COL23A1: variants seen among roughly 807,000 people sequenced by gnomAD.
COL23A1 encodes the protein collagen type XXIII alpha 1 chain.
In COL23A1, 97 loss-of-function variants were observed where a neutral mutation model predicts 99.3. That is an observed-to-expected ratio of 0.98 (90% CI 0.83 to 1.16). COL23A1 has a LOEUF of 1.16. Ranked by LOEUF, COL23A1 falls within the 50% of genes most tolerant of loss-of-function variation. The pLI, the probability that COL23A1 is intolerant of heterozygous loss-of-function variation, is 0.00. For synonymous variants in COL23A1, 320 were observed against 308.2 expected (o/e 1.04, Z -0.40); for missense variants, 762 against 757.4 (o/e 1.01, Z -0.07).
rs969550876 is a variant in COL23A1 at position 178,307,057 on chromosome 5, T to G, written c.362-138A>C. 4.3e-5 allele frequency: 24 copies of G among 554,824 alleles called. No individual in the cohort carries two copies. In the African/African-American group the frequency reaches 4.8e-4, roughly 11 times the overall value. 34.4% of individuals were successfully genotyped at this position (554,824 alleles called of 1,614,324 possible). On this transcript the variant is annotated intron_variant, in intron 2 of 28. Transcript: ENST00000390654. This position sits in a 1 kb window ranked among gnomAD's most constrained non-coding sequence, Gnocchi z 4.2. The stretch of plus-strand genomic sequence containing the variant: ...CCTGCCCGAGGGGGTCTGCTGGCTG[T>G]GGAGGGGGAGATGCGTGGGGAGAAA...
At chr5:178,245,192 T>G (rs1055446117) in intron 25 of COL23A1, among the ~76,000 whole-genome samples, 11 of 146,740 alleles carry the variant, frequency 7.5e-5, no homozygotes, top group African/African-American at 2.8e-4. Flanking sequence ...GCCATCATCA[T>G]CCATCCATTC....
rs755231657 is a variant in COL23A1, at chr5:178,288,316, C to T, written c.441+8G>A. ...GTGAAGAGAGCAAAAAAATAAATGA[C>T]AAATTACCGGGTAGCCATCTCGTCC... On this transcript the variant is annotated splice_region_variant and intron_variant, in intron 5 of 28. Coordinates refer to ENST00000390654, the MANE Select transcript of COL23A1 (RefSeq NM_173465.4). The T allele has an allele frequency of 1.1e-5, 17 of 1,607,530 alleles. No individual in the cohort carries two copies. The highest frequency in any genetic ancestry group is 1.4e-5 in the Non-Finnish European group (17 of 1,173,874).
intron 5 of COL23A1, among the ~76,000 whole-genome samples, chr5:178,276,717 A>T (rs1756605471): frequency 6.6e-6 from 1 of 152,244 alleles, no homozygotes; most frequent in Non-Finnish European, 1.5e-5. Flanking sequence ...GCAATTTCCC[A>T]AACTCAAATT....
At chr5:178,547,646 A>C (rs1581611700) in intron 2 of COL23A1, among the ~76,000 whole-genome samples, 2 of 5,252 alleles carry the variant, frequency 3.8e-4, no homozygotes, top group South Asian at 9.6e-3. Context: ...CCCCACACAC[A>C]CACACCCCCC....
intron 2 of COL23A1, among the ~76,000 whole-genome samples, chr5:178,500,715 C>A (rs1581512790): frequency 6.8e-6 from 1 of 147,710 alleles, no homozygotes; most frequent in Non-Finnish European, 1.5e-5. Context: ...GGTAGATAAA[C>A]AACTTAAATG....
In COL23A1 at chr5:178,487,287, G is replaced by GTTT. The variant is rs778127626; in HGVS notation, c.361+73392_361+73394dup. Among the ~76,000 whole-genome samples, 71 of 137,456 alleles carry GTTT rather than the reference G, an allele frequency of 5.2e-4. 1 individual carries two copies. The highest frequency in any genetic ancestry group is 1.8e-3 in the African/African-American group (65 of 36,436). 90.2% of individuals were successfully genotyped at this position (137,456 alleles called of 152,430 possible). A position where few individuals can be genotyped will look rare whatever the true frequency, so the allele number is the denominator to read the frequency against. On this transcript the variant is annotated intron_variant, in intron 2 of 28. Transcript: ENST00000390654. ...GAAGGCAGTCATGGTACCAGCCTCA[G>GTTT]TTTTATTTATTTATTTATTTATTTA...
chr5:178,532,885 C>T (rs1220089666), intron 2 of COL23A1, among the ~76,000 whole-genome samples: 9 of 152,282 alleles, frequency 5.9e-5, no homozygotes, highest in Admixed American at 1.3e-4. Context: ...AGAGAGGCCT[C>T]GCCAGAACCC....
chr5:178,487,288 T>TTTTTTTTTA (rs773272887), intron 2 of COL23A1, among the ~76,000 whole-genome samples: 52 of 116,454 alleles, frequency 4.5e-4, no homozygotes, highest in Non-Finnish European at 8.3e-4. Context: ...CCAGCCTCAG[T>TTTTTTTTTA]TTTATTTATT....
In COL23A1 at chr5:178,571,523, T is replaced by C. The variant is rs546664413; in HGVS notation, c.295-10775A>G. Among the ~76,000 whole-genome samples the C allele has an allele frequency of 2.0e-5, 3 of 152,210 alleles. No homozygotes were observed. The East Asian group carries it at 5.8e-4, about 29-fold the overall frequency. The stretch of plus-strand genomic sequence containing the variant: ...ACAAGACCCTAAAGGACCAAACTAT[T>C]TCCAGCCCAGGAATATATATACAAA... On this transcript the variant is annotated intron_variant, in intron 1 of 28. Coordinates refer to ENST00000390654, the MANE Select transcript of COL23A1 (RefSeq NM_173465.4).
intron 5 of COL23A1, 23 bp from the exon 6 acceptor site, chr5:178,270,386 C>T (rs1189862555): frequency 6.2e-7 from 1 of 1,613,534 alleles, no homozygotes; most frequent in Admixed American, 1.7e-5. Flanking sequence ...AGAGAGAGAA[C>T]ACAGGTTACA....
At chr5:178,301,142 T>C (rs1160761687) in intron 3 of COL23A1, among the ~76,000 whole-genome samples, 1 of 152,226 alleles carries the variant, frequency 6.6e-6, no homozygotes, top group East Asian at 1.9e-4. Context: ...TTCCTTAGGC[T>C]GGATGATATC....
intron 2 of COL23A1, among the ~76,000 whole-genome samples, chr5:178,436,636 C>T (rs1223289646): frequency 6.6e-6 from 1 of 152,208 alleles, no homozygotes; most frequent in Admixed American, 6.5e-5. Context: ...CCTGTGGCAT[C>T]CCTGTGCAGC....
chr5:178,498,399 T>G (rs1165969371), intron 2 of COL23A1, among the ~76,000 whole-genome samples: 1 of 151,536 alleles, frequency 6.6e-6, no homozygotes, highest in Non-Finnish European at 1.5e-5. Flanking sequence ...CTCCGAGTGT[T>G]GAAAAAAAAG....
chr5:178,537,537 AG>A (rs1359585051), intron 2 of COL23A1, among the ~76,000 whole-genome samples: 1 of 152,186 alleles, frequency 6.6e-6, no homozygotes, highest in East Asian at 1.9e-4. Flanking sequence ...AGTCTGTGGC[AG>A]GGGGTGCTGG....
At chr5:178,409,006 A>G (rs1344869755) in intron 2 of COL23A1, among the ~76,000 whole-genome samples, 4 of 150,032 alleles carry the variant, frequency 2.7e-5, no homozygotes, top group Non-Finnish European at 4.4e-5. Flanking sequence ...ACACACACAC[A>G]CACACACACA....
chr5:178,282,974 G>C (rs1188969665), intron 5 of COL23A1, among the ~76,000 whole-genome samples: 1 of 152,114 alleles, frequency 6.6e-6, no homozygotes, highest in African/African-American at 2.4e-5. Flanking sequence ...GGGTTCAAGT[G>C]ATTCTCCTGC....
chr5:178,539,807 G>C (rs1039297230), intron 2 of COL23A1, among the ~76,000 whole-genome samples: 2 of 152,056 alleles, frequency 1.3e-5, no homozygotes, highest in Non-Finnish European at 2.9e-5. Flanking sequence ...ACCAAAACTG[G>C]ACCACAGAAG....
At chr5:178,397,850 G>A (rs1042055755) in intron 2 of COL23A1, among the ~76,000 whole-genome samples, 2 of 152,182 alleles carry the variant, frequency 1.3e-5, no homozygotes, top group Non-Finnish European at 2.9e-5. Context: ...AGCTGGGTGT[G>A]GTGACACGTG....
chr5:178,545,624 C>T (rs1355689468), intron 2 of COL23A1, among the ~76,000 whole-genome samples: 2 of 152,128 alleles, frequency 1.3e-5, no homozygotes, highest in Non-Finnish European at 2.9e-5. Flanking sequence ...CCAGGAGTTG[C>T]TTTCTCTCCA....
Sources: gnomAD v4.1 joint callset for allele counts (sites outside exome capture counted in the v4.1 genomes callset) on GRCh38, gnomAD v4.1.1 for gene constraint, Gnocchi (gnomAD v3.1) non-coding constraint, MANE v1.5 for transcripts, NCBI Gene and HGNC (gene_info 2026-07-23, HGNC 2026-07-21) for gene names.